Variants in TOX observed in about 807,000 individuals in gnomAD.
The protein encoded by TOX is thymocyte selection associated high mobility group box.
In TOX, 11 loss-of-function variants were observed where a neutral mutation model predicts 53.7. The ratio of observed to expected loss-of-function variants is 0.20; its 90% CI spans 0.13 to 0.34. The LOEUF is 0.34. Among genes scored for constraint, TOX ranks in the 10% least tolerant of loss-of-function variants. The pLI is 1.00. For synonymous variants in TOX, 225 were observed against 245.3 expected, an observed-to-expected ratio of 0.92 and a Z score of 0.77; for missense variants, 570 against 664.6, an observed-to-expected ratio of 0.86 and a Z score of 1.56.
At chr8:59,022,210 G>T (rs1370424816) in intron 1 of TOX, among the ~76,000 whole-genome samples, 1 of 152,104 alleles carries the variant, frequency 6.6e-6, no homozygotes, top group Non-Finnish European at 1.5e-5. Flanking sequence ...TAGTGAAATG[G>T]AGTTAAACTT....
intron 3 of TOX, among the ~76,000 whole-genome samples, chr8:58,905,246 A>G (rs370005846): frequency 6.6e-6 from 1 of 152,168 alleles, no homozygotes; most frequent in Admixed American, 6.5e-5. Context: ...TATCTATACT[A>G]TACAAAAGTA....
Position 58,807,253 on chromosome 8 carries a change from T to C in TOX, c.*494A>G, listed in dbSNP as rs2129163428. On this transcript the variant is annotated 3_prime_UTR_variant, in exon 9 of 9. Transcript: ENST00000361421. Reference sequence around the variant, plus strand: ...AACCCCTATTGTGAAATCAATAAACTGGAATGAGCCAGTTTCAATTACAAT... The same window carrying C: ...AACCCCTATTGTGAAATCAATAAACCGGAATGAGCCAGTTTCAATTACAAT... 6.5e-6 allele frequency: 1 copy of C among 152,910 alleles called. No individual in the cohort carries two copies. Among genetic ancestry groups the C allele is most frequent in the East Asian group, 1.9e-4 (1 of 5,198 alleles). 9.5% of individuals were successfully genotyped at this position (152,910 alleles called of 1,614,324 possible). A position where few individuals can be genotyped will look rare whatever the true frequency, so the allele number is the denominator to read the frequency against.
At chr8:59,109,345 C>T (rs1586025215) in intron 1 of TOX, among the ~76,000 whole-genome samples, 2 of 152,110 alleles carry the variant, frequency 1.3e-5, no homozygotes, top group Non-Finnish European at 2.9e-5. Context: ...CTTCTACGAC[C>T]TAGCTTAGGT....
chr8:59,021,450 G>A (rs1360689203), intron 1 of TOX, among the ~76,000 whole-genome samples: 2 of 93,788 alleles, frequency 2.1e-5, no homozygotes, highest in Non-Finnish European at 4.1e-5. Flanking sequence ...CAGGCAACAG[G>A]TTTTTCTACA....
intron 1 of TOX, among the ~76,000 whole-genome samples, chr8:58,966,301 C>A (rs1252355573): frequency 1.3e-5 from 2 of 152,272 alleles, no homozygotes; most frequent in African/African-American, 2.4e-5. Context: ...AGGAAAGAGA[C>A]CAGACTGAGC....
At chr8:58,994,060 C>T (rs1166707226) in intron 1 of TOX, among the ~76,000 whole-genome samples, 1 of 152,084 alleles carries the variant, frequency 6.6e-6, no homozygotes, top group Non-Finnish European at 1.5e-5. Flanking sequence ...GAGACCTGAG[C>T]CAGGTCTAAA....
At chr8:58,853,097 C>A (rs984510554) in intron 3 of TOX, among the ~76,000 whole-genome samples, 7 of 152,072 alleles carry the variant, frequency 4.6e-5, no homozygotes, top group Admixed American at 2.6e-4. Flanking sequence ...CCATGTGTGC[C>A]CTGTGTTCTT....
In TOX at chr8:59,104,907, C is replaced by T. The variant is rs370309342; in HGVS notation, c.102+13979G>A. 1.9e-4 allele frequency among the ~76,000 whole-genome samples: 29 copies of T among 152,284 alleles called. No individual in the cohort carries two copies. The East Asian group carries it at 2.3e-3, about 12-fold the overall frequency. On this transcript the variant is annotated intron_variant, in intron 1 of 8. Transcript: ENST00000361421. ...CAGACTTCATATCACATCAATTATA[C>T]TGTGGTTCCATGATAGTTATCTGTA...
intron 1 of TOX, among the ~76,000 whole-genome samples, chr8:59,042,796 A>C (rs1279234116): frequency 1.3e-5 from 2 of 152,234 alleles, no homozygotes; most frequent in East Asian, 3.8e-4. Flanking sequence ...CACTAAAGTT[A>C]TCTTGAGAGT....
chr8:58,891,147 G>T (rs766133230), intron 3 of TOX, among the ~76,000 whole-genome samples: 1 of 152,066 alleles, frequency 6.6e-6, no homozygotes, highest in Non-Finnish European at 1.5e-5. Context: ...GAGCAAATAC[G>T]TGAGACACTA....
chr8:59,064,081 G>T (rs547811912), intron 1 of TOX, among the ~76,000 whole-genome samples: 1 of 152,130 alleles, frequency 6.6e-6, no homozygotes, highest in Non-Finnish European at 1.5e-5. Flanking sequence ...TGCTTGGGGT[G>T]GGGGGAGGTG....
chr8:59,055,955 T>G (rs1803881643), intron 1 of TOX, among the ~76,000 whole-genome samples: 1 of 152,142 alleles, frequency 6.6e-6, no homozygotes, highest in South Asian at 2.1e-4. Flanking sequence ...TTTTTACCCC[T>G]TATAAGTCCT....
intron 1 of TOX, among the ~76,000 whole-genome samples, chr8:59,080,239 C>T (rs1208378443): frequency 6.6e-6 from 1 of 152,152 alleles, no homozygotes; most frequent in Non-Finnish European, 1.5e-5. Context: ...CCTTAGCCTC[C>T]TAAAGTGCTA....
chr8:58,998,521 AT>A lies in TOX; in HGVS notation c.103-38514del, dbSNP rs371234018. Among the ~76,000 whole-genome samples the A allele has an allele frequency of 2.0e-4, 22 of 109,792 alleles. No individual in the cohort carries two copies. The East Asian group carries it at 2.0e-3, about 10-fold the overall frequency. The allele number at this position is 109,792 out of a possible 152,430, so 72.0% of individuals were successfully genotyped here. A position where few individuals can be genotyped will look rare whatever the true frequency, so the allele number is the denominator to read the frequency against. ...TATATATATATATATATATATATAT[AT>A]ATATATATATATATATAAATTTATA... On this transcript the variant is annotated intron_variant, in intron 1 of 8. Transcript: ENST00000361421.
chr8:59,092,875 C>T (rs1804649838), intron 1 of TOX, among the ~76,000 whole-genome samples: 2 of 152,130 alleles, frequency 1.3e-5, no homozygotes, highest in African/African-American at 4.8e-5. Context: ...CTTTACCTCC[C>T]CGTGCCTAGA....
intron 1 of TOX, among the ~76,000 whole-genome samples, chr8:59,004,830 A>G (rs923114899): frequency 1.3e-5 from 2 of 152,176 alleles, no homozygotes; most frequent in African/African-American, 4.8e-5. Flanking sequence ...ATTTTTTATC[A>G]TTGTTACTAT....
chr8:59,032,227 T>C, intron 1 of TOX, among the ~76,000 whole-genome samples: 1 of 151,108 alleles, frequency 6.6e-6, no homozygotes. Flanking sequence ...AGGATGGAAA[T>C]ACTGGGGAAA....
Position 58,862,745 on chromosome 8 carries a change from T to C in TOX, c.412-10940A>G, listed in dbSNP as rs182636775. 2.4e-4 allele frequency among the ~76,000 whole-genome samples: 36 copies of C among 152,272 alleles called. 2 individuals are homozygous for C. The highest frequency in any genetic ancestry group is 8.4e-4 in the African/African-American group (35 of 41,584). The stretch of plus-strand genomic sequence containing the variant: ...AATGTATCAAGCCATAGTCTTTAAC[T>C]AGACTAGCTAAAGCAGTAGGTCTTT... On this transcript the variant is annotated intron_variant, in intron 3 of 8. Transcript: ENST00000361421.
chr8:59,044,653 CTCT>C (rs1467236704), intron 1 of TOX, among the ~76,000 whole-genome samples: 6 of 152,184 alleles, frequency 3.9e-5, no homozygotes, highest in Admixed American at 3.9e-4. Context: ...AAATCTAAAT[CTCT>C]TTTTTTATTG....
Sources: gnomAD v4.1 joint callset for allele counts (sites outside exome capture counted in the v4.1 genomes callset) on GRCh38, gnomAD v4.1.1 for gene constraint, MANE v1.5 for transcripts, NCBI Gene and HGNC (gene_info 2026-07-23, HGNC 2026-07-21) for gene names.